ZC3H12B: variants seen among roughly 807,000 people sequenced by gnomAD.
ZC3H12B encodes the protein zinc finger CCCH-type containing 12B.
Under a neutral mutation model 43.9 loss-of-function variants are expected in ZC3H12B, and 7 were observed. The ratio of observed to expected loss-of-function variants is 0.16; its 90% confidence interval spans 0.09 to 0.30. ZC3H12B has a LOEUF of 0.30. Among genes scored for constraint, ZC3H12B ranks in the 10% least tolerant of loss-of-function variants. ZC3H12B has a pLI of 1.00. For missense variants in ZC3H12B, 475 were observed against 670.2 expected (o/e 0.71, Z 3.22); for synonymous variants, 222 against 241.7 (o/e 0.92, Z 0.76).
At chrX:65,253,735 C>A in the ZC3H12B span, among the ~76,000 whole-genome samples, 10 of 111,886 alleles carry the variant, frequency 8.9e-5, no homozygotes, top group African/African-American at 9.7e-5. Flanking sequence ...CGCATCATAG[C>A]TTTGTGCTGG....
At chrX:65,169,937 G>A in the ZC3H12B span, among the ~76,000 whole-genome samples, 1 of 111,688 alleles carries the variant, frequency 9.0e-6, no homozygotes, top group Admixed American at 9.5e-5. Context: ...CTCTGCACAC[G>A]AGACGGGTCT....
chrX:65,104,590 A>G, the ZC3H12B span, among the ~76,000 whole-genome samples: 141 of 112,246 alleles, frequency 1.3e-3, 1 homozygote, highest in Middle Eastern at 4.6e-3. Context: ...CAAACAGTGG[A>G]TGAAGGATAT....
At chrX:65,234,059 C>CAA in the ZC3H12B span, among the ~76,000 whole-genome samples, 1 of 110,625 alleles carries the variant, frequency 9.0e-6, no homozygotes, top group Admixed American at 9.6e-5. Context: ...ACAAAAACAA[C>CAA]ACAAACAAAC....
the ZC3H12B span, among the ~76,000 whole-genome samples, chrX:65,312,359 T>A: frequency 2.7e-5 from 3 of 110,546 alleles, no homozygotes; most frequent in Non-Finnish European, 3.8e-5. Context: ...AACAGTGGCC[T>A]CTGTGGGTTG....
the ZC3H12B span, among the ~76,000 whole-genome samples, chrX:65,038,564 G>A: frequency 2.7e-5 from 3 of 111,403 alleles, no homozygotes; most frequent in Non-Finnish European, 3.8e-5. Context: ...CAGTATCAAA[G>A]GGATGATCTT....
the ZC3H12B span, among the ~76,000 whole-genome samples, chrX:65,217,113 T>C: frequency 9.0e-5 from 10 of 111,608 alleles, no homozygotes; most frequent in East Asian, 1.1e-3. Flanking sequence ...GAGAGACTCC[T>C]GCTTGGGGGA....
At chrX:65,103,221 C>T in the ZC3H12B span, among the ~76,000 whole-genome samples, 3 of 111,192 alleles carry the variant, frequency 2.7e-5, no homozygotes, top group East Asian at 8.6e-4. Context: ...AGAGACCTCC[C>T]CCTAGGAAAG....
chrX:65,386,774 T>C (rs2066533080), intron 2 of ZC3H12B, among the ~76,000 whole-genome samples: 1 of 111,686 alleles, frequency 9.0e-6, no homozygotes, highest in South Asian at 3.8e-4. Context: ...CTTTCTCTTG[T>C]GGGCATTTAG....
upstream of ZC3H12B, among the ~76,000 whole-genome samples, chrX:65,364,864 C>T (rs906410128): frequency 1.3e-4 from 14 of 111,289 alleles, no homozygotes; most frequent in Admixed American, 1.2e-3. Flanking sequence ...TTGCCCCTGC[C>T]CAGGACTGGC....
the ZC3H12B span, among the ~76,000 whole-genome samples, chrX:65,118,117 A>T: frequency 1.8e-5 from 2 of 111,214 alleles, no homozygotes; most frequent in African/African-American, 3.3e-5. Flanking sequence ...TGGTAGCGTG[A>T]TGGGGATGGC....
intron 1 of ZC3H12B, among the ~76,000 whole-genome samples, chrX:65,495,675 G>C (rs1365362586): frequency 9.0e-6 from 1 of 111,680 alleles, no homozygotes; most frequent in Non-Finnish European, 1.9e-5. Context: ...CTAAGAGATC[G>C]TAATTTTCAC....
chrX:65,122,649 G>A, the ZC3H12B span, among the ~76,000 whole-genome samples: 1 of 111,001 alleles, frequency 9.0e-6, no homozygotes, highest in Non-Finnish European at 1.9e-5. Flanking sequence ...CATCTCACGT[G>A]CAGAGACACA....
At chrX:65,196,641 A>G in the ZC3H12B span, among the ~76,000 whole-genome samples, 1 of 111,368 alleles carries the variant, frequency 9.0e-6, no homozygotes, top group African/African-American at 3.3e-5. Context: ...TCAGGCACAA[A>G]GGCAACAGGT....
chrX:65,050,970 A>C, the ZC3H12B span, among the ~76,000 whole-genome samples: 1 of 111,117 alleles, frequency 9.0e-6, no homozygotes, highest in Non-Finnish European at 1.9e-5. Flanking sequence ...TTCCCCTTCA[A>C]TTTTTTTGGA....
chrX:65,047,882 A>C, the ZC3H12B span, among the ~76,000 whole-genome samples: 1 of 110,574 alleles, frequency 9.0e-6, no homozygotes, highest in Non-Finnish European at 1.9e-5. Context: ...ATATTAAAAT[A>C]ATTATTCATA....
the ZC3H12B span, among the ~76,000 whole-genome samples, chrX:65,192,896 C>T: frequency 9.0e-6 from 1 of 110,710 alleles, no homozygotes; most frequent in Non-Finnish European, 1.9e-5. Flanking sequence ...GCCTCAGCCT[C>T]CTGAGTAGTT....
the ZC3H12B span, among the ~76,000 whole-genome samples, chrX:65,245,652 TA>T: frequency 2.7e-5 from 3 of 111,291 alleles, no homozygotes; most frequent in African/African-American, 9.8e-5. Flanking sequence ...CCATTCATGT[TA>T]AAAAAAATTC....
the ZC3H12B span, among the ~76,000 whole-genome samples, chrX:65,233,217 T>C: frequency 9.0e-6 from 1 of 111,632 alleles, no homozygotes; most frequent in African/African-American, 3.3e-5. Flanking sequence ...AAAGAAACAT[T>C]GGACTTAATC....
chrX:65,178,569 A>G, the ZC3H12B span, among the ~76,000 whole-genome samples: 3 of 112,561 alleles, frequency 2.7e-5, no homozygotes, highest in Non-Finnish European at 5.6e-5. Flanking sequence ...ATTTAGAAGA[A>G]AAAAACAACC....
Sources: gnomAD v4.1 joint callset for allele counts (sites outside exome capture counted in the v4.1 genomes callset) on GRCh38, gnomAD v4.1.1 for gene constraint, MANE v1.5 for transcripts, NCBI Gene and HGNC (gene_info 2026-07-23, HGNC 2026-07-21) for gene names.